Variants in HAO2 observed in about 807,000 individuals in gnomAD.
HAO2 encodes the protein 2-Hydroxyacid oxidase 2.
HAO2 carries 42 observed loss-of-function variants against 37.4 expected under a neutral mutation model. The ratio of observed to expected loss-of-function variants is 1.12; its 90% confidence interval spans 0.88 to 1.45. The LOEUF is 1.45. Ranked by LOEUF, HAO2 falls within the 40% of genes most tolerant of loss-of-function variation. The pLI, the probability that HAO2 is intolerant of heterozygous loss-of-function variation, is 0.00. For missense variants in HAO2, 476 were observed against 430.2 expected, an observed-to-expected ratio of 1.11 and a Z score of -0.94; for synonymous variants, 180 against 162.8, an observed-to-expected ratio of 1.11 and a Z score of -0.81.
At chr1:119,393,320 A>C (rs1405813211) in intron 7 of HAO2, among the ~76,000 whole-genome samples, 1 of 152,078 alleles carries the variant, frequency 6.6e-6, no homozygotes, top group Non-Finnish European at 1.5e-5. Context: ...ATAATTTTAC[A>C]TATTAATTAA....
At chr1:119,383,135 C>T (rs1165497709) in intron 3 of HAO2, 69 bp downstream of exon 3, 1 of 1,147,874 alleles carries the variant, frequency 8.7e-7, no homozygotes, top group Non-Finnish European at 1.3e-6. Context: ...GGCAGAGGCT[C>T]CAAGATTCTC....
chr1:119,393,612 G>A (rs1651083556), intron 7 of HAO2, among the ~76,000 whole-genome samples, 173 bp from the exon 8 acceptor site: 1 of 152,092 alleles, frequency 6.6e-6, no homozygotes, highest in Non-Finnish European at 1.5e-5. Context: ...CAGGTTCACA[G>A]AATAATACCC....
At position 119,393,984 on chromosome 1, in the gene HAO2, C is replaced by A. The variant is rs1471546400; in HGVS notation, c.*144C>A. The A allele has an allele frequency of 4.7e-6, 7 of 1,501,748 alleles. No homozygotes were observed. The highest frequency in any genetic ancestry group is 2.5e-5 in the East Asian group (1 of 40,260). 93.0% of individuals were successfully genotyped at this position (1,501,748 alleles called of 1,614,324 possible). A position where few individuals can be genotyped will look rare whatever the true frequency, so the allele number is the denominator to read the frequency against. On this transcript the variant is annotated 3_prime_UTR_variant, in exon 8 of 8. Transcript: ENST00000325945. ...ATTTCCCACATTTCTAATACCACCA[C>A]CCCTGTGCTTCAGGCCCTCCAAACC...
At chr1:119,382,722 G>A (rs112507957) in intron 2 of HAO2, among the ~76,000 whole-genome samples, 193 bp from the exon 3 acceptor site, 427 of 152,250 alleles carry the variant, frequency 2.8e-3, no homozygotes, top group African/African-American at 9.8e-3. Context: ...TGTTGGAAGC[G>A]GCTTTCTGGA....
At chr1:119,371,436 AT>A (rs996524691) in intron 1 of HAO2, among the ~76,000 whole-genome samples, 5 of 152,052 alleles carry the variant, frequency 3.3e-5, no homozygotes, top group East Asian at 1.9e-4. Flanking sequence ...AATAATTAAG[AT>A]TTTTTTTAAC....
intron 2 of HAO2, among the ~76,000 whole-genome samples, chr1:119,381,872 TAAAG>T (rs1649974757): frequency 2.6e-5 from 4 of 152,212 alleles, no homozygotes; most frequent in Non-Finnish European, 4.4e-5. Flanking sequence ...TGTCCATAAA[TAAAG>T]TTTTATTTTA....
chr1:119,393,199 C>T (rs587648211), intron 7 of HAO2, among the ~76,000 whole-genome samples: 1 of 152,152 alleles, frequency 6.6e-6, no homozygotes, highest in South Asian at 2.1e-4. Flanking sequence ...ATTGCCTACT[C>T]AAGCCCACAA....
intron 7 of HAO2, 130 bp downstream of exon 7, chr1:119,392,817 C>G (rs903721993): frequency 1.7e-5 from 12 of 715,612 alleles, no homozygotes; most frequent in Non-Finnish European, 2.8e-5. Flanking sequence ...AGGCAGGCAA[C>G]TTTCAAGACA....
At chr1:119,385,181 G>A (rs763236471) in intron 4 of HAO2, 128 bp downstream of exon 4, 51 of 1,423,380 alleles carry the variant, frequency 3.6e-5, no homozygotes, top group South Asian at 9.0e-5. Context: ...CAGACACTGC[G>A]GATAAAGCAG....
intron 1 of HAO2, among the ~76,000 whole-genome samples, chr1:119,370,804 G>C (rs1283751887): frequency 6.6e-6 from 1 of 152,160 alleles, no homozygotes. Flanking sequence ...GGCAAAGAGA[G>C]AAAAAACTGC....
chr1:119,383,087 G>C (rs1436934558), intron 3 of HAO2, 21 bp downstream of exon 3: 2 of 1,593,052 alleles, frequency 1.3e-6, no homozygotes, highest in South Asian at 1.1e-5. Flanking sequence ...TCCCCACCTC[G>C]AGGCTCCTTT....
At chr1:119,378,904 A>C (rs181056436) in intron 1 of HAO2, among the ~76,000 whole-genome samples, 38 of 152,328 alleles carry the variant, frequency 2.5e-4, no homozygotes, top group Non-Finnish European at 5.1e-4. Flanking sequence ...TGTAAGCAGC[A>C]ACTCAGTGCC....
At chr1:119,372,808 T>C (rs587705226) in intron 1 of HAO2, among the ~76,000 whole-genome samples, 1 of 152,160 alleles carries the variant, frequency 6.6e-6, no homozygotes. Context: ...TTGGCAAATA[T>C]GTCTAAATAT....
intron 5 of HAO2, 110 bp from the exon 6 acceptor site, chr1:119,391,999 GA>G (rs1270275326): frequency 2.2e-6 from 2 of 916,584 alleles, no homozygotes; most frequent in Non-Finnish European, 3.3e-6. Context: ...GGGAGGGGAA[GA>G]AATTGTCAAG....
Position 119,392,167 on chromosome 1 carries a change from G to A in HAO2, c.829G>A (p.Asp277Asn). 6.2e-7 allele frequency: 1 copy of A among 1,613,406 alleles called. No homozygotes were observed. Among genetic ancestry groups the A allele is most frequent in the South Asian group, 1.1e-5 (1 of 91,014 alleles). ...AAAGGGGAAAATTGAAGTCTACCTGGATGGCGGGGTCCGAACTGGCAATGA... is the reference window on the plus strand; with the variant it reads ...AAAGGGGAAAATTGAAGTCTACCTGAATGGCGGGGTCCGAACTGGCAATGA... ...AVKGKIEVYLDGGVRTGNDVL... is the reference protein window; with the variant it reads ...AVKGKIEVYLNGGVRTGNDVL... Residue 277 changes from aspartate to asparagine, a missense_variant, in exon 6 of 8, where the codon GAT becomes AAT. Asp to Asn is a conservative substitution (Grantham distance 23). Transcript: ENST00000325945.
At position 119,392,102 on chromosome 1, in the gene HAO2, C is replaced by G. The variant is rs200175025; in HGVS notation, c.772-8C>G. ...AAGCCCTCCAGCCCATGTGTATCTCCTTTTCAGATTGATGCTTTGACAGAA... is the reference window on the plus strand; with the variant it reads ...AAGCCCTCCAGCCCATGTGTATCTCGTTTTCAGATTGATGCTTTGACAGAA... On this transcript the variant is annotated splice_polypyrimidine_tract_variant and splice_region_variant and intron_variant, in intron 5 of 7. Coordinates refer to ENST00000325945, the MANE Select transcript of HAO2 (RefSeq NM_016527.4). 414 of 1,610,478 alleles carry G rather than the reference C, an allele frequency of 2.6e-4. 3 individuals are homozygous for G. The African/African-American group carries it at 4.5e-3, about 17-fold the overall frequency.
intron 4 of HAO2, chr1:119,385,329 AG>A (rs1650293234): frequency 6.1e-6 from 6 of 985,320 alleles, no homozygotes; most frequent in Non-Finnish European, 7.2e-6. Flanking sequence ...GCTGAGAAAT[AG>A]GAAAGCCACG....
chr1:119,376,659 T>A lies in HAO2; in HGVS notation c.-8-4419T>A, dbSNP rs149888070. On this transcript the variant is annotated intron_variant, in intron 1 of 7. Transcript: ENST00000325945. The stretch of plus-strand genomic sequence containing the variant: ...GCAGATTTCTGCCTGGACATCCAAG[T>A]GTTTCTATACATCCTCTGAAATCTA... 7.0e-3 allele frequency among the ~76,000 whole-genome samples: 1,066 copies of A among 152,364 alleles called. 9 individuals carry two copies. Among genetic ancestry groups the A allele is most frequent in the African/African-American group, 0.025 (1,031 of 41,590 alleles).
chr1:119,382,618 C>CA (rs906917009), intron 2 of HAO2, among the ~76,000 whole-genome samples: 3 of 152,130 alleles, frequency 2.0e-5, no homozygotes, highest in African/African-American at 7.2e-5. Context: ...AGGCATGACT[C>CA]AAAGACACAG....
Sources: gnomAD v4.1 joint callset for allele counts (sites outside exome capture counted in the v4.1 genomes callset) on GRCh38, gnomAD v4.1.1 for gene constraint, MANE v1.5 for transcripts, NCBI Gene and HGNC (gene_info 2026-07-23, HGNC 2026-07-21) for gene names.